Variants in BBS9 observed in about 807,000 individuals in gnomAD.
BBS9 encodes protein PTHB1.
BBS9 carries 89 observed loss-of-function variants against 117.7 expected under a neutral mutation model. The ratio of observed to expected loss-of-function variants is 0.76; its 90% CI spans 0.64 to 0.90. The LOEUF is 0.90. Ranked by LOEUF, BBS9 falls within the 40% of genes least tolerant of loss-of-function variation. The pLI is 0.00. For missense variants in BBS9, 982 were observed against 1,042.2 expected, an observed-to-expected ratio of 0.94 and a Z score of 0.80; for synonymous variants, 379 against 370.9, an observed-to-expected ratio of 1.02 and a Z score of -0.25.
rs367899394 is a variant in BBS9, at chr7:33,366,647, C to T, written c.1694-1120C>T. 4.0e-3 allele frequency among the ~76,000 whole-genome samples: 585 copies of T among 144,814 alleles called. 4 individuals are homozygous for T. Among genetic ancestry groups the T allele is most frequent in the South Asian group, 0.023 (106 of 4,614 alleles). On this transcript the variant is annotated intron_variant, in intron 16 of 22. Transcript: ENST00000242067. Reference sequence around the variant, plus strand: ...GCAGCCTCCACCTCCTGGGTTCAAGCGATTCTCCTGCCTCAGCCTCCTGGG... The same window carrying T: ...GCAGCCTCCACCTCCTGGGTTCAAGTGATTCTCCTGCCTCAGCCTCCTGGG...
At chr7:33,372,979 G>A (rs570639338) in intron 17 of BBS9, among the ~76,000 whole-genome samples, 1 of 152,054 alleles carries the variant, frequency 6.6e-6, no homozygotes, top group Admixed American at 6.5e-5. Flanking sequence ...TTGTATTTCT[G>A]TAGTATCAGA....
chr7:33,304,595 G>T (rs1807456856), intron 9 of BBS9, among the ~76,000 whole-genome samples: 1 of 152,190 alleles, frequency 6.6e-6, no homozygotes, highest in South Asian at 2.1e-4. Context: ...AATCTTCCAA[G>T]TGTGAAGTGA....
intron 5 of BBS9, among the ~76,000 whole-genome samples, chr7:33,242,487 C>G (rs1304561570): frequency 2.0e-5 from 3 of 152,036 alleles, no homozygotes; most frequent in Non-Finnish European, 4.4e-5. Context: ...GCTCTTTTTA[C>G]CTTTATGGGG....
intron 9 of BBS9, among the ~76,000 whole-genome samples, chr7:33,281,624 C>T (rs1198309698): frequency 6.6e-6 from 1 of 151,806 alleles, no homozygotes. Context: ...CATTCTCCTG[C>T]CTCAACCTCT....
At chr7:33,185,323 G>A (rs188270522) in intron 5 of BBS9, among the ~76,000 whole-genome samples, 27 of 152,254 alleles carry the variant, frequency 1.8e-4, no homozygotes, top group African/African-American at 5.3e-4. Context: ...TCACGGTGGA[G>A]TCGCTTTGGT....
intron 9 of BBS9, among the ~76,000 whole-genome samples, chr7:33,282,786 T>C (rs913616792): frequency 2.6e-5 from 4 of 152,350 alleles, no homozygotes; most frequent in Non-Finnish European, 5.9e-5. Context: ...ATATTTTAGT[T>C]TCTAAAAGAC....
chr7:33,331,288 A>G (rs748466045), intron 9 of BBS9, among the ~76,000 whole-genome samples: 60 of 152,190 alleles, frequency 3.9e-4, no homozygotes, highest in South Asian at 8.3e-4. Context: ...TAAAAGCCGT[A>G]TATGACAAAC....
At chr7:33,611,284 A>C (rs1458118405) in intron 21 of BBS9, among the ~76,000 whole-genome samples, 1 of 151,756 alleles carries the variant, frequency 6.6e-6, no homozygotes, top group East Asian at 1.9e-4. Context: ...TATGAAGAAC[A>C]GTTGGAACTA....
intron 5 of BBS9, among the ~76,000 whole-genome samples, chr7:33,187,784 G>A (rs868686507): frequency 3.9e-5 from 6 of 151,988 alleles, no homozygotes; most frequent in Non-Finnish European, 7.4e-5. Flanking sequence ...AGCTGGGCAC[G>A]GTGGTGGGTG....
At chr7:33,294,368 T>TCCAA (rs1804825045) in intron 9 of BBS9, among the ~76,000 whole-genome samples, 5 of 142,262 alleles carry the variant, frequency 3.5e-5, no homozygotes, top group African/African-American at 1.5e-4. Flanking sequence ...TGTCCATCCA[T>TCCAA]CCATCCATCC....
At chr7:33,632,491 C>T (rs745942864) in intron 21 of BBS9, among the ~76,000 whole-genome samples, 1 of 152,248 alleles carries the variant, frequency 6.6e-6, no homozygotes, top group South Asian at 2.1e-4. Context: ...CCGGCGCCCT[C>T]GCCCCGCTCG....
At chr7:33,211,803 G>T (rs1788078491) in intron 5 of BBS9, among the ~76,000 whole-genome samples, 1 of 152,002 alleles carries the variant, frequency 6.6e-6, no homozygotes, top group Non-Finnish European at 1.5e-5. Context: ...CTCATCTTTT[G>T]TTTCTCCTTC....
intron 17 of BBS9, among the ~76,000 whole-genome samples, chr7:33,382,396 G>C (rs1294902819): frequency 6.6e-6 from 1 of 150,968 alleles, no homozygotes; most frequent in Non-Finnish European, 1.5e-5. Context: ...GGAGGCTGAG[G>C]TTACAGTGAA....
Position 33,537,817 on chromosome 7 carries a change from T to G in BBS9, c.2521+3641T>G, listed in dbSNP as rs980648793. 9.8e-5 allele frequency among the ~76,000 whole-genome samples: 15 copies of G among 152,320 alleles called. No homozygotes were observed. In the East Asian group the frequency reaches 1.3e-3, roughly 14 times the overall value. ...CCTAATTATAGCAAAGATTTGAACC[T>G]CTCAAGCATATATGCAAAACTTAAT... On this transcript the variant is annotated intron_variant, in intron 21 of 22. Transcript: ENST00000242067.
intron 5 of BBS9, among the ~76,000 whole-genome samples, chr7:33,223,577 C>T (rs954851404): frequency 3.3e-5 from 5 of 152,196 alleles, no homozygotes; most frequent in African/African-American, 1.2e-4. Context: ...ATTACACCTA[C>T]CTTCCTCTCA....
chr7:33,634,746 G>T (rs1427100175), intron 21 of BBS9, among the ~76,000 whole-genome samples: 2 of 152,230 alleles, frequency 1.3e-5, no homozygotes, highest in South Asian at 2.1e-4. Flanking sequence ...CAGTGTGTAT[G>T]TGGACAGGGC....
intron 21 of BBS9, among the ~76,000 whole-genome samples, chr7:33,566,856 A>G (rs1857002009): frequency 6.6e-6 from 1 of 152,218 alleles, no homozygotes; most frequent in Non-Finnish European, 1.5e-5. Context: ...TTCCAAAGAA[A>G]ATTATAAGAA....
Position 33,375,528 on chromosome 7 carries a change from A to C in BBS9, c.1789+7666A>C, listed in dbSNP as rs10236358. Among the ~76,000 whole-genome samples the C allele has an allele frequency of 8.4e-3, 1,278 of 152,154 alleles. 21 individuals carry two copies. Among genetic ancestry groups the C allele is most frequent in the South Asian group, 0.045 (217 of 4,808 alleles). On this transcript the variant is annotated intron_variant, in intron 17 of 22. Coordinates refer to ENST00000242067, the MANE Select transcript of BBS9 (RefSeq NM_198428.3). ...TCTTTGGATTTTTGGTAATCTAAAA[A>C]AAGCAAAAAATGTTGTTGTGTTTAT...
At chr7:33,517,669 T>A (rs1480809804) in intron 20 of BBS9, among the ~76,000 whole-genome samples, 3 of 152,224 alleles carry the variant, frequency 2.0e-5, no homozygotes, top group Non-Finnish European at 4.4e-5. Flanking sequence ...TTTATCTTTG[T>A]CTCAGGACTA....
Sources: allele counts gnomAD v4.1 joint callset (sites outside exome capture counted in the v4.1 genomes callset), GRCh38; gene constraint gnomAD v4.1.1; transcripts MANE v1.5; gene names NCBI Gene and HGNC (gene_info 2026-07-23, HGNC 2026-07-21).